Variants in P2RX5 observed in about 807,000 individuals in gnomAD.
P2RX5 encodes P2X purinoceptor 5.
A neutral mutation model predicts 54.1 loss-of-function variants in P2RX5; 46 were observed. That is an observed-to-expected ratio of 0.85 (90% CI 0.67 to 1.09). The LOEUF (loss-of-function observed/expected upper bound fraction) is 1.09, where lower values mean the gene tolerates loss of function less well. P2RX5 is among the 50% of genes least tolerant of loss of function. P2RX5 has a pLI of 0.00. For missense variants in P2RX5, 566 were observed against 549.8 expected, an observed-to-expected ratio of 1.03 and a Z score of -0.29; for synonymous variants, 226 against 226.4, an observed-to-expected ratio of 1.00 and a Z score of 0.02.
chr17:3,700,481 C>T (rs754964565), upstream of P2RX5, among the ~76,000 whole-genome samples: 1 of 151,132 alleles, frequency 6.6e-6, no homozygotes, highest in Admixed American at 6.6e-5. Context: ...TGCAGTAAGC[C>T]GAGACTGTGC....
intron 1 of P2RX5, among the ~76,000 whole-genome samples, chr17:3,692,373 C>A (rs535271286): frequency 2.6e-4 from 40 of 152,108 alleles, no homozygotes; most frequent in Admixed American, 1.4e-3. Context: ...ACTCAGAGGC[C>A]CCAAGTGGAC....
the P2RX5 span, among the ~76,000 whole-genome samples, chr17:3,706,176 A>G: frequency 6.6e-6 from 1 of 151,860 alleles, no homozygotes; most frequent in African/African-American, 2.4e-5. Flanking sequence ...GACAGTCTCG[A>G]TCTCCTGACC....
At chr17:3,711,220 T>A in the P2RX5 span, among the ~76,000 whole-genome samples, 1 of 152,152 alleles carries the variant, frequency 6.6e-6, no homozygotes, top group Non-Finnish European at 1.5e-5. Flanking sequence ...CAGATTCGAA[T>A]AACCTGTTTC....
chr17:3,719,252 AAAAAG>A, the P2RX5 span, among the ~76,000 whole-genome samples: 815 of 129,286 alleles, frequency 6.3e-3, 3 homozygotes, highest in African/African-American at 0.027. Flanking sequence ...AAAAAAAAAA[AAAAAG>A]AAAAGAAAAG....
intron 8 of P2RX5, 43 bp from the exon 9 acceptor site, chr17:3,688,148 C>A: frequency 9.0e-7 from 1 of 1,107,464 alleles, no homozygotes; most frequent in Non-Finnish European, 1.4e-6. Context: ...CCTGCCTGGC[C>A]TTCCCTCTTT....
intron 3 of P2RX5, 128 bp downstream of exon 3, chr17:3,690,828 C>T (rs1339978496): frequency 6.2e-6 from 7 of 1,120,030 alleles, no homozygotes; most frequent in East Asian, 2.5e-5. Context: ...GCAGGAACCA[C>T]ACCCGGGTGC....
At chr17:3,722,351 G>A in the P2RX5 span, 19,491 of 133,868 alleles carry the variant, frequency 0.15, 4,232 homozygotes, top group African/African-American at 0.47. Context: ...CGTGGTCGCC[G>A]GCGCCTGTAA....
the P2RX5 span, among the ~76,000 whole-genome samples, chr17:3,708,594 G>A: frequency 6.6e-6 from 1 of 152,248 alleles, no homozygotes; most frequent in South Asian, 2.1e-4. Context: ...ACAAGTTCAC[G>A]CTGCTGATAA....
At chr17:3,699,415 A>T (rs1019004423), upstream of P2RX5, among the ~76,000 whole-genome samples, 1 of 151,864 alleles carries the variant, frequency 6.6e-6, no homozygotes, top group South Asian at 2.1e-4. Context: ...ACCAGGTGGG[A>T]TGGTGCACAC....
chr17:3,718,722 G>C, the P2RX5 span, among the ~76,000 whole-genome samples: 2 of 152,214 alleles, frequency 1.3e-5, no homozygotes, highest in African/African-American at 4.8e-5. Flanking sequence ...AATTTAAAAT[G>C]TGCACATAAG....
intron 11 of P2RX5, among the ~76,000 whole-genome samples, chr17:3,674,813 C>A (rs546096809): frequency 6.6e-6 from 1 of 152,318 alleles, no homozygotes; most frequent in South Asian, 2.1e-4. Flanking sequence ...CTTGGGGAAA[C>A]CTTCTCTGGC....
At chr17:3,722,881 T>C in the P2RX5 span, among the ~76,000 whole-genome samples, 3 of 152,202 alleles carry the variant, frequency 2.0e-5, no homozygotes, top group African/African-American at 7.2e-5. Flanking sequence ...GGGAATTATT[T>C]GTAAAGAATG....
chr17:3,677,433 A>G (rs2050130125), intron 11 of P2RX5: 1 of 985,274 alleles, frequency 1.0e-6, no homozygotes, highest in South Asian at 4.7e-5. Context: ...TTCCCCACTA[A>G]GAGCCAGCTG....
chr17:3,696,349 C>A (rs2050758870), upstream of P2RX5: 2 of 185,722 alleles, frequency 1.1e-5, no homozygotes, highest in African/African-American at 2.3e-5. Context: ...AGCGCAGCCC[C>A]CCGGATGCGC....
chr17:3,691,309 C>T (rs2050610506), intron 2 of P2RX5, among the ~76,000 whole-genome samples: 1 of 152,240 alleles, frequency 6.6e-6, no homozygotes, highest in Non-Finnish European at 1.5e-5. Flanking sequence ...TGTGAACAGG[C>T]TGGAGAGCTA....
At chr17:3,689,830 TCACACACA>T (rs747995764) in intron 6 of P2RX5, among the ~76,000 whole-genome samples, 200 bp from the exon 7 acceptor site, 2 of 151,946 alleles carry the variant, frequency 1.3e-5, no homozygotes, top group Non-Finnish European at 2.9e-5. Flanking sequence ...CATGCAGACA[TCACACACA>T]CACGCACACA....
the P2RX5 span, among the ~76,000 whole-genome samples, chr17:3,703,176 G>C: frequency 2.6e-5 from 4 of 152,130 alleles, no homozygotes; most frequent in African/African-American, 7.2e-5. Flanking sequence ...TGAGCCTTTA[G>C]AGACAGGGGA....
the P2RX5 span, chr17:3,723,772 G>A: frequency 1.2e-6 from 2 of 1,603,494 alleles, no homozygotes; most frequent in Non-Finnish European, 1.7e-6. Flanking sequence ...ACCGCGACGC[G>A]CTGAACAAAC....
At chr17:3,677,825 C>T (rs1311927593) in intron 11 of P2RX5, 1 of 985,396 alleles carries the variant, frequency 1.0e-6, no homozygotes, top group Non-Finnish European at 1.2e-6. Context: ...CCGCTCAGCA[C>T]CCTGGCCTGT....
Sources: allele counts gnomAD v4.1 joint callset (sites outside exome capture counted in the v4.1 genomes callset), GRCh38; gene constraint gnomAD v4.1.1; transcripts MANE v1.5; gene names NCBI Gene and HGNC (gene_info 2026-07-23, HGNC 2026-07-21).